The following PLAC1 variants were observed in gnomAD, a reference collection of about 807,000 sequenced individuals.
PLAC1 encodes the protein placenta-specific protein 1.
For missense variants in PLAC1, 136 were observed against 163.2 expected (o/e 0.83, Z 0.91); for synonymous variants, 68 against 62.1 (o/e 1.09, Z -0.44).
At chrX:134,758,976 T>C (rs983732986) in intron 1 of PLAC1, among the ~76,000 whole-genome samples, 4 of 111,639 alleles carry the variant, frequency 3.6e-5, no homozygotes, top group African/African-American at 1.3e-4. Context: ...TGAATAGACA[T>C]TTCTTAAAAG....
upstream of PLAC1, among the ~76,000 whole-genome samples, chrX:134,663,357 G>T (rs2078423322): frequency 8.9e-6 from 1 of 112,989 alleles, no homozygotes; most frequent in Admixed American, 9.3e-5. Flanking sequence ...TTAATTAGCT[G>T]TATGAAATTT....
chrX:134,623,927 A>G (rs2078223320), intron 1 of PLAC1, among the ~76,000 whole-genome samples: 1 of 112,108 alleles, frequency 8.9e-6, no homozygotes, highest in Admixed American at 9.5e-5. Context: ...CAAACTAAAG[A>G]AAGAGTTGGA....
At chrX:134,691,102 G>A (rs2078538932) in intron 2 of PLAC1, among the ~76,000 whole-genome samples, 1 of 83,443 alleles carries the variant, frequency 1.2e-5, no homozygotes, top group Non-Finnish European at 2.4e-5. Flanking sequence ...CTTTTGAGCA[G>A]TGTTTCTTTT....
At chrX:134,589,463 C>T (rs6529636) in intron 2 of PLAC1, among the ~76,000 whole-genome samples, 51,665 of 109,765 alleles carry the variant, frequency 0.47, 9,224 homozygotes, top group East Asian at 0.91. Context: ...TGGGGCCAGG[C>T]GCAGTGGCTC....
intron 2 of PLAC1, among the ~76,000 whole-genome samples, chrX:134,725,056 T>G (rs1027649885): frequency 2.7e-5 from 3 of 111,611 alleles, no homozygotes; most frequent in African/African-American, 9.8e-5. Context: ...CATCACACCA[T>G]ATTTTTACCT....
At chrX:134,571,225 G>A (rs1188692816) in intron 2 of PLAC1, among the ~76,000 whole-genome samples, 1 of 112,389 alleles carries the variant, frequency 8.9e-6, no homozygotes, top group African/African-American at 3.2e-5. Context: ...ATAAAGTTCA[G>A]CAGTTGTTTT....
chrX:134,611,968 C>T (rs964696694), intron 1 of PLAC1, among the ~76,000 whole-genome samples: 1 of 111,430 alleles, frequency 9.0e-6, no homozygotes, highest in African/African-American at 3.3e-5. Context: ...ATCACCTCAC[C>T]GTACTTGTTC....
chrX:134,647,715 G>GA (rs904539853), intron 1 of PLAC1, among the ~76,000 whole-genome samples: 1 of 111,188 alleles, frequency 9.0e-6, no homozygotes, highest in African/African-American at 3.3e-5. Context: ...AGTTTTCCTG[G>GA]AAAAATAATT....
At chrX:134,640,719 T>C (rs1337015440) in intron 1 of PLAC1, among the ~76,000 whole-genome samples, 1 of 112,022 alleles carries the variant, frequency 8.9e-6, no homozygotes, top group Non-Finnish European at 1.9e-5. Context: ...GACTATAAGC[T>C]CCTCAAGGCA....
At chrX:134,634,331 T>C (rs1238560035) in intron 1 of PLAC1, among the ~76,000 whole-genome samples, 1 of 112,217 alleles carries the variant, frequency 8.9e-6, no homozygotes, top group African/African-American at 3.2e-5. Flanking sequence ...GAGTTATGCC[T>C]GGAGGCCACA....
intron 2 of PLAC1, among the ~76,000 whole-genome samples, chrX:134,590,067 T>C (rs529948116): frequency 5.0e-4 from 55 of 109,819 alleles, no homozygotes; most frequent in South Asian, 2.0e-3. Flanking sequence ...TGGTGGTACG[T>C]GCCTGTAGTC....
chrX:134,666,665 A>C (rs2078438293), intron 2 of PLAC1, among the ~76,000 whole-genome samples: 1 of 111,954 alleles, frequency 8.9e-6, no homozygotes, highest in Non-Finnish European at 1.9e-5. Context: ...AAATACGTGT[A>C]ACTTTTCCAC....
intron 2 of PLAC1, among the ~76,000 whole-genome samples, chrX:134,587,321 G>A (rs1173299846): frequency 9.0e-6 from 1 of 110,569 alleles, no homozygotes; most frequent in East Asian, 2.8e-4. Context: ...GTGAAGCCGA[G>A]GAAGAAAGAT....
chrX:134,758,463 G>A (rs1371744248), intron 1 of PLAC1, among the ~76,000 whole-genome samples: 1 of 111,836 alleles, frequency 8.9e-6, no homozygotes. Context: ...ATATACCAAT[G>A]GAACAGCATA....
At chrX:134,753,107 C>T (rs1407799079) in intron 1 of PLAC1, among the ~76,000 whole-genome samples, 1 of 111,534 alleles carries the variant, frequency 9.0e-6, no homozygotes, top group Admixed American at 9.6e-5. Context: ...TCCTTTCCCA[C>T]AGCCTTCTAC....
chrX:134,579,633 C>T lies in PLAC1; in HGVS notation c.-58-12893G>A, dbSNP rs1448285168. Among the ~76,000 whole-genome samples, 4 of 111,365 alleles carry T rather than the reference C, an allele frequency of 3.6e-5. No homozygotes were observed. The Admixed American group carries it at 3.8e-4, about 11-fold the overall frequency. The stretch of plus-strand genomic sequence containing the variant: ...GGTATGTGGCAGTGAGAGACAGGGA[C>T]AAATCTTTCCTGAAAACAACAAGAG... On this transcript the variant is annotated intron_variant, in intron 2 of 2. Transcript: ENST00000359237.
At chrX:134,627,815 T>C (rs762833191) in intron 1 of PLAC1, among the ~76,000 whole-genome samples, 2 of 112,134 alleles carry the variant, frequency 1.8e-5, no homozygotes, top group South Asian at 3.7e-4. Context: ...AATACCACTT[T>C]TGTCAGAGGG....
At chrX:134,742,060 C>T (rs1468021621) in intron 1 of PLAC1, among the ~76,000 whole-genome samples, 1 of 112,244 alleles carries the variant, frequency 8.9e-6, no homozygotes, top group Non-Finnish European at 1.9e-5. Context: ...TGGGGAAGAG[C>T]CTTTTTCCAC....
chrX:134,655,574 G>T lies in PLAC1; in HGVS notation c.-131+2754C>A, dbSNP rs781750468. Among the ~76,000 whole-genome samples, 4 of 111,527 alleles carry T rather than the reference G, an allele frequency of 3.6e-5. No individual in the cohort carries two copies. In the East Asian group the frequency reaches 8.4e-4, roughly 23 times the overall value. ...GTCTTTCATAGCTTTGTAAAATCCA[G>T]AATCCAAAACCAAGGTTTGTGTATT... On this transcript the variant is annotated intron_variant, in intron 1 of 2. Coordinates refer to ENST00000359237, the MANE Select transcript of PLAC1 (RefSeq NM_021796.4).
Sources: gnomAD v4.1 joint callset for allele counts (sites outside exome capture counted in the v4.1 genomes callset) on GRCh38, gnomAD v4.1.1 for gene constraint, MANE v1.5 for transcripts, NCBI Gene and HGNC (gene_info 2026-07-23, HGNC 2026-07-21) for gene names.